CSMD2: variants seen among roughly 807,000 people sequenced by gnomAD.
CSMD2 encodes CUB and Sushi multiple domains 2, also known as CUB and sushi domain-containing protein 2.
CSMD2 carries 130 observed loss-of-function variants against 398.5 expected under a neutral mutation model. The ratio of observed to expected loss-of-function variants is 0.33; its 90% CI spans 0.28 to 0.38. CSMD2 has a LOEUF of 0.38. CSMD2 is among the 10% of genes least tolerant of loss of function. CSMD2 has a pLI of 1.00. For synonymous variants in CSMD2, 1,828 were observed against 1,908.5 expected, an observed-to-expected ratio of 0.96 and a Z score of 1.10; for missense variants, 3,829 against 4,764.9, an observed-to-expected ratio of 0.80 and a Z score of 5.78.
chr1:33,533,161 C>T lies in CSMD2; in HGVS notation c.10060G>A (p.Gly3354Ser). 6.2e-7 allele frequency: 1 copy of T among 1,613,930 alleles called. No homozygotes were observed. The highest frequency in any genetic ancestry group is 8.5e-7 in the Non-Finnish European group (1 of 1,179,968). ...TGGCAGGAGTAGATGAGCGTGTAGC[C>T]CATGGAGGGCAAATCCAGGGCCCCG... ...NVGALDLPSM[G>S]YTLIYSCQEG... is the part of the protein sequence containing the mutation. Residue 3354 changes from glycine (G) to serine (S), a missense_variant, in exon 64 of 71, where the codon GGC becomes AGC. By Grantham distance (56) the Gly-to-Ser change is moderately conservative. Around this residue, in one of 5 missense-constraint regions of CSMD2, gnomAD observed 917 missense variants for 1,199.5 expected, o/e 0.76. Transcript: ENST00000373381. This position sits in a 1 kb window ranked among gnomAD's most constrained non-coding sequence, Gnocchi z 4.2.
intron 6 of CSMD2, among the ~76,000 whole-genome samples, chr1:33,826,005 T>C (rs1459353340): frequency 6.6e-6 from 1 of 152,190 alleles, no homozygotes; most frequent in African/African-American, 2.4e-5. Flanking sequence ...AAATGTGGTC[T>C]CCTACTGGGT....
chr1:34,079,883 T>C (rs961967739), intron 2 of CSMD2, among the ~76,000 whole-genome samples: 1 of 152,094 alleles, frequency 6.6e-6, no homozygotes, highest in Non-Finnish European at 1.5e-5. Context: ...TTAAGTATAA[T>C]AGAAGAGCAA....
chr1:33,929,643 G>C (rs2125313235), intron 4 of CSMD2, among the ~76,000 whole-genome samples: 1 of 151,944 alleles, frequency 6.6e-6, no homozygotes, highest in South Asian at 2.1e-4. Context: ...TCACCATGTT[G>C]GTCAGGCTGG....
At chr1:33,741,609 G>T (rs898748926) in intron 14 of CSMD2, among the ~76,000 whole-genome samples, 2 of 152,170 alleles carry the variant, frequency 1.3e-5, no homozygotes, top group Non-Finnish European at 2.9e-5. Flanking sequence ...CTGGCTGGGG[G>T]ATTTTGGGTA....
At chr1:34,113,221 G>T (rs1039594667) in intron 1 of CSMD2, among the ~76,000 whole-genome samples, 1 of 152,108 alleles carries the variant, frequency 6.6e-6, no homozygotes, top group African/African-American at 2.4e-5. Context: ...GAATTCTTAG[G>T]ATCAAGAGGT....
At chr1:34,099,813 C>G (rs1213670395) in intron 1 of CSMD2, among the ~76,000 whole-genome samples, 1 of 152,178 alleles carries the variant, frequency 6.6e-6, no homozygotes, top group African/African-American at 2.4e-5. Context: ...GAGCCTTGAC[C>G]TGGTCCCTGC....
intron 59 of CSMD2, 24 bp downstream of exon 59, chr1:33,541,106 C>T: frequency 6.2e-7 from 1 of 1,610,500 alleles, no homozygotes; most frequent in Non-Finnish European, 8.5e-7. Flanking sequence ...GGCTCTCTGT[C>T]CACATTTGCA....
intron 35 of CSMD2, 53 bp from the exon 36 acceptor site, chr1:33,623,519 C>T: frequency 7.8e-7 from 1 of 1,281,534 alleles, no homozygotes; most frequent in Non-Finnish European, 1.1e-6. Flanking sequence ...TCCCTCCCTC[C>T]TTCTCTGCTT....
At chr1:34,084,760 G>A (rs1657662501) in intron 2 of CSMD2, among the ~76,000 whole-genome samples, 1 of 151,898 alleles carries the variant, frequency 6.6e-6, no homozygotes, top group Non-Finnish European at 1.5e-5. Context: ...GGAGAAATAG[G>A]AACACTTTTA....
intron 57 of CSMD2, among the ~76,000 whole-genome samples, chr1:33,543,123 T>A (rs999266536): frequency 1.3e-5 from 2 of 152,250 alleles, no homozygotes; most frequent in Non-Finnish European, 2.9e-5. Flanking sequence ...AGAAAAAAGA[T>A]GATCTATTCT....
chr1:33,686,239 T>C (rs1408357733), intron 25 of CSMD2, among the ~76,000 whole-genome samples: 1 of 152,104 alleles, frequency 6.6e-6, no homozygotes, highest in Non-Finnish European at 1.5e-5. Flanking sequence ...CACTGATTAT[T>C]AAAAACAAAA....
chr1:33,854,627 C>T (rs981823815), intron 5 of CSMD2, among the ~76,000 whole-genome samples: 2 of 152,340 alleles, frequency 1.3e-5, no homozygotes, highest in East Asian at 3.9e-4. Flanking sequence ...TGACCTATCC[C>T]CAAAGCAGCA....
chr1:33,587,200 A>G lies in CSMD2; in HGVS notation c.6857-32T>C. 3 of 1,485,894 alleles carry G rather than the reference A, an allele frequency of 2.0e-6. No homozygotes were observed. In the East Asian group the frequency reaches 6.9e-5, roughly 34 times the overall value. 92.0% of individuals were successfully genotyped at this position (1,485,894 alleles called of 1,614,324 possible). A position where few individuals can be genotyped will look rare whatever the true frequency, so the allele number is the denominator to read the frequency against. ...AGATAAAAGCAGGCAAGTCAGGGTA[A>G]GATCATCATTCTCCAGGTACACCGT... On this transcript the variant is annotated intron_variant, in intron 44 of 70. Transcript: ENST00000373381.
chr1:33,669,267 T>C (rs925349910), intron 25 of CSMD2, among the ~76,000 whole-genome samples: 1 of 152,202 alleles, frequency 6.6e-6, no homozygotes, highest in Non-Finnish European at 1.5e-5. Flanking sequence ...GAAACAGTTT[T>C]GAAGAAAGGA....
chr1:34,139,465 C>T (rs192936720), intron 1 of CSMD2, among the ~76,000 whole-genome samples: 14 of 152,144 alleles, frequency 9.2e-5, no homozygotes, highest in African/African-American at 2.4e-4. Context: ...ATAAATTATC[C>T]GTCTTCAGGT....
chr1:33,727,086 C>T (rs1646559214), intron 15 of CSMD2, among the ~76,000 whole-genome samples: 1 of 151,676 alleles, frequency 6.6e-6, no homozygotes, highest in Admixed American at 6.5e-5. Flanking sequence ...GACCCTACAA[C>T]TCAGACGTTC....
intron 1 of CSMD2, among the ~76,000 whole-genome samples, chr1:34,122,118 G>C (rs1571188851): frequency 6.6e-6 from 1 of 151,920 alleles, no homozygotes; most frequent in South Asian, 2.1e-4. Context: ...TTGTTCCCGG[G>C]GATATCTGGC....
intron 3 of CSMD2, among the ~76,000 whole-genome samples, chr1:34,012,033 G>A (rs74070213): frequency 0.012 from 1,859 of 152,274 alleles, 41 homozygotes; most frequent in African/African-American, 0.041. Context: ...GCTAGAAGCC[G>A]TTTCCTCATC....
chr1:34,054,727 G>A (rs1328409567), intron 2 of CSMD2, among the ~76,000 whole-genome samples: 15 of 152,072 alleles, frequency 9.9e-5, no homozygotes, highest in Admixed American at 7.9e-4. Context: ...GCGACAGAGC[G>A]AGACTCTGTC....
Sources: allele counts gnomAD v4.1 joint callset (sites outside exome capture counted in the v4.1 genomes callset), GRCh38; gene constraint gnomAD v4.1.1; regional missense constraint gnomAD v4.1.1; non-coding constraint Gnocchi (gnomAD v3.1); transcripts MANE v1.5; gene names NCBI Gene and HGNC (gene_info 2026-07-23, HGNC 2026-07-21).